The following LHX8 variants were observed in gnomAD, a reference collection of about 807,000 sequenced individuals.
The protein encoded by LHX8 is LIM homeobox 8.
In LHX8, 12 loss-of-function variants were observed where a neutral mutation model predicts 40.3. The observed-to-expected ratio is 0.30, with a 90% CI of 0.19 to 0.48. LHX8 has a LOEUF of 0.48. Among genes scored for constraint, LHX8 ranks in the 20% least tolerant of loss-of-function variants. LHX8 has a pLI of 0.99. For synonymous variants in LHX8, 179 were observed against 162.0 expected, an observed-to-expected ratio of 1.10 and a Z score of -0.80; for missense variants, 344 against 433.7, an observed-to-expected ratio of 0.79 and a Z score of 1.84.
downstream of LHX8, among the ~76,000 whole-genome samples, chr1:75,163,326 A>T (rs1277669365): frequency 5.9e-5 from 9 of 152,164 alleles, no homozygotes; most frequent in Non-Finnish European, 1.2e-4. Flanking sequence ...TATGTGTATA[A>T]TTACTCTACT....
At chr1:75,187,441 A>G in the LHX8 span, among the ~76,000 whole-genome samples, 1 of 152,120 alleles carries the variant, frequency 6.6e-6, no homozygotes, top group Non-Finnish European at 1.5e-5. Flanking sequence ...TTATTATAAG[A>G]CTTGTCCGCA....
intron 8 of LHX8, among the ~76,000 whole-genome samples, chr1:75,157,869 A>T (rs1056786638): frequency 3.9e-5 from 6 of 152,150 alleles, no homozygotes; most frequent in African/African-American, 1.4e-4. Context: ...GCTGCTATGG[A>T]CTTTATTGTA....
At chr1:75,188,166 G>T in the LHX8 span, among the ~76,000 whole-genome samples, 20 of 152,030 alleles carry the variant, frequency 1.3e-4, no homozygotes, top group Non-Finnish European at 2.1e-4. Flanking sequence ...CTGTTTTGTT[G>T]TTGTTGTTTT....
chr1:75,148,367 A>G (rs1648518527), intron 6 of LHX8, among the ~76,000 whole-genome samples: 1 of 152,242 alleles, frequency 6.6e-6, no homozygotes. Flanking sequence ...AGAGTTTTAC[A>G]TTGAAATGGA....
chr1:75,143,994 A>G (rs1361848524), intron 6 of LHX8, 46 bp downstream of exon 6: 1 of 1,469,524 alleles, frequency 6.8e-7, no homozygotes, highest in Non-Finnish European at 9.5e-7. Context: ...CCTCCCAACC[A>G]AAAAAACAAA....
intron 3 of LHX8, among the ~76,000 whole-genome samples, chr1:75,139,496 T>G (rs375648068): frequency 6.6e-6 from 1 of 152,136 alleles, no homozygotes; most frequent in African/African-American, 2.4e-5. Flanking sequence ...CAGAAGGCCC[T>G]AAACAGTGGA....
At chr1:75,155,369 G>T (rs1648730459) in intron 7 of LHX8, among the ~76,000 whole-genome samples, 1 of 151,488 alleles carries the variant, frequency 6.6e-6, no homozygotes, top group African/African-American at 2.4e-5. Flanking sequence ...CAAGTAGCTG[G>T]GACTACAGGC....
the LHX8 span, among the ~76,000 whole-genome samples, chr1:75,191,141 G>A: frequency 6.6e-6 from 1 of 151,820 alleles, no homozygotes; most frequent in Non-Finnish European, 1.5e-5. Context: ...CACTCCTCTG[G>A]ACTCCTTTCC....
In LHX8 at chr1:75,150,714, T is replaced by C. The variant is rs527281641; in HGVS notation, c.780+2032T>C. 4.6e-5 allele frequency among the ~76,000 whole-genome samples: 7 copies of C among 151,366 alleles called. No individual in the cohort carries two copies. In the East Asian group the frequency reaches 1.4e-3, roughly 30 times the overall value. ...TTTTTTTTTCGAGACAGAGTCTCTG[T>C]CACCCAGGCTGGAGTGCAGTGGTGT... On this transcript the variant is annotated intron_variant, in intron 7 of 8. Coordinates refer to ENST00000356261, the MANE Select transcript of LHX8 (RefSeq NM_001256114.2).
chr1:75,193,635 T>G, the LHX8 span, among the ~76,000 whole-genome samples: 1 of 152,236 alleles, frequency 6.6e-6, no homozygotes, highest in Non-Finnish European at 1.5e-5. Flanking sequence ...GCTTGCATAA[T>G]TCGTAGTAAA....
the LHX8 span, among the ~76,000 whole-genome samples, chr1:75,169,310 G>A: frequency 0.097 from 14,734 of 152,218 alleles, 1,054 homozygotes; most frequent in African/African-American, 0.19. Flanking sequence ...GCATGGCCTT[G>A]TTGCTTAATC....
chr1:75,199,171 T>C, the LHX8 span, among the ~76,000 whole-genome samples: 2 of 152,236 alleles, frequency 1.3e-5, no homozygotes, highest in South Asian at 2.1e-4. Flanking sequence ...AATAGATTTA[T>C]GAATTGCGTT....
At position 75,137,137 on chromosome 1, in the gene LHX8, C is replaced by A; in HGVS notation, c.113C>A (p.Ser38Tyr). ...PEGAGDEDSC[S>Y]SSAPLSPSSS... is the part of the protein sequence containing the mutation. ...GGAGCGGGGGACGAGGACTCGTGCT[C>A]CTCCTCGGCCCCGCTGTCCCCGTCG... Residue 38 changes from serine (S) to tyrosine (Y), a missense_variant, in exon 3 of 9, where the codon TCC becomes TAC. Transcript: ENST00000356261. 1 of 1,611,194 alleles carries A rather than the reference C, an allele frequency of 6.2e-7. No individual in the cohort carries two copies. Among genetic ancestry groups the A allele is most frequent in the South Asian group, 1.1e-5 (1 of 90,984 alleles).
upstream of LHX8, among the ~76,000 whole-genome samples, chr1:75,133,310 T>G (rs1001478964): frequency 2.7e-5 from 4 of 147,750 alleles, no homozygotes; most frequent in Non-Finnish European, 6.0e-5. Context: ...ACAGGCTCAC[T>G]TCATCACAGG....
At chr1:75,148,155 A>G (rs187775379) in intron 6 of LHX8, among the ~76,000 whole-genome samples, 3 of 152,282 alleles carry the variant, frequency 2.0e-5, no homozygotes, top group Admixed American at 2.0e-4. Flanking sequence ...TCTGTATACT[A>G]TTAGGTATTA....
Position 75,155,257 on chromosome 1 carries a change from C to T in LHX8, c.781-1636C>T, listed in dbSNP as rs1452317714. On this transcript the variant is annotated intron_variant, in intron 7 of 8. Coordinates refer to ENST00000356261, the MANE Select transcript of LHX8 (RefSeq NM_001256114.2). Reference sequence around the variant, plus strand: ...TTTTTTTTTTTTTTTTTTTTTGAGACGGAGTCTCGCTCTGTCGCCCAGCCT... The same window carrying T: ...TTTTTTTTTTTTTTTTTTTTTGAGATGGAGTCTCGCTCTGTCGCCCAGCCT... Among the ~76,000 whole-genome samples the T allele has an allele frequency of 1.7e-4, 16 of 96,418 alleles. No homozygotes were observed. In the East Asian group the frequency reaches 1.9e-3, roughly 11 times the overall value. 63.3% of individuals were successfully genotyped at this position (96,418 alleles called of 152,430 possible). A position where few individuals can be genotyped will look rare whatever the true frequency, so the allele number is the denominator to read the frequency against.
At chr1:75,166,775 A>T in the LHX8 span, among the ~76,000 whole-genome samples, 1 of 152,212 alleles carries the variant, frequency 6.6e-6, no homozygotes, top group South Asian at 2.1e-4. Context: ...AGAGCCTAGC[A>T]CTTGCAAAGG....
the LHX8 span, among the ~76,000 whole-genome samples, chr1:75,196,936 G>A: frequency 1.6e-4 from 24 of 152,260 alleles, no homozygotes; most frequent in East Asian, 4.4e-3. Flanking sequence ...CTCTTGGAGA[G>A]TGACTATTTC....
chr1:75,139,308 C>T (rs148910542), intron 3 of LHX8, among the ~76,000 whole-genome samples: 36 of 152,114 alleles, frequency 2.4e-4, no homozygotes, highest in African/African-American at 7.2e-4. Context: ...CTTCACCTTA[C>T]TTTACTCCCT....
Sources: gnomAD v4.1 joint callset for allele counts (sites outside exome capture counted in the v4.1 genomes callset) on GRCh38, gnomAD v4.1.1 for gene constraint, MANE v1.5 for transcripts, NCBI Gene and HGNC (gene_info 2026-07-23, HGNC 2026-07-21) for gene names.